Variants in RAPGEF6 observed in about 807,000 individuals in gnomAD.
The protein encoded by RAPGEF6 is PDZ domain containing guanine nucleotide exchange factor (GEF) 2.
Under a neutral mutation model 171.4 loss-of-function variants are expected in RAPGEF6, and 56 were observed. That is an observed-to-expected ratio of 0.33 (90% confidence interval 0.26 to 0.41). RAPGEF6 has a LOEUF of 0.41. Among genes scored for constraint, RAPGEF6 ranks in the 10% least tolerant of loss-of-function variants. The pLI is 1.00. For missense variants in RAPGEF6, 1,674 were observed against 1,921.4 expected, an observed-to-expected ratio of 0.87 and a Z score of 2.41; for synonymous variants, 692 against 650.1, an observed-to-expected ratio of 1.06 and a Z score of -0.98.
chr5:131,589,457 G>A lies in RAPGEF6; in HGVS notation c.281+2926C>T, dbSNP rs1763461366. Among the ~76,000 whole-genome samples, 7 of 152,290 alleles carry A rather than the reference G, an allele frequency of 4.6e-5. No individual in the cohort carries two copies. The South Asian group carries it at 1.5e-3, about 32-fold the overall frequency. ...TCTCCTTATTTGGGGGAGAGGGTAA[G>A]AACTCCATTTGTATAAAGGATAGTT... On this transcript the variant is annotated intron_variant, in intron 4 of 27. Transcript: ENST00000509018.
At chr5:131,581,302 A>G (rs1348049104) in intron 4 of RAPGEF6, among the ~76,000 whole-genome samples, 1 of 152,200 alleles carries the variant, frequency 6.6e-6, no homozygotes, top group South Asian at 2.1e-4. Context: ...AAAACTCACT[A>G]ATCAGGCAAC....
chr5:131,464,719 C>A (rs1041484739), intron 17 of RAPGEF6, among the ~76,000 whole-genome samples: 2 of 152,156 alleles, frequency 1.3e-5, no homozygotes, highest in African/African-American at 2.4e-5. Context: ...TGCCCCGTTA[C>A]CCCCTGTCAA....
chr5:131,581,447 T>G (rs537999200), intron 4 of RAPGEF6, among the ~76,000 whole-genome samples: 2 of 152,242 alleles, frequency 1.3e-5, no homozygotes, highest in South Asian at 4.1e-4. Context: ...TCTCAATTCC[T>G]ACGAAACTGC....
At chr5:131,512,522 A>T (rs188104815) in intron 7 of RAPGEF6, among the ~76,000 whole-genome samples, 49 of 152,188 alleles carry the variant, frequency 3.2e-4, no homozygotes, top group African/African-American at 1.2e-3. Context: ...TAAGGCTCTG[A>T]CACCTACAAC....
chr5:131,570,133 G>A (rs1317186074), intron 4 of RAPGEF6, among the ~76,000 whole-genome samples: 1 of 135,430 alleles, frequency 7.4e-6, no homozygotes, highest in Non-Finnish European at 1.6e-5. Context: ...ATCCAAAATA[G>A]ATACATTCTT....
At chr5:131,630,610 A>G (rs1052880029) in intron 1 of RAPGEF6, among the ~76,000 whole-genome samples, 4 of 152,238 alleles carry the variant, frequency 2.6e-5, no homozygotes, top group Admixed American at 6.5e-5. Flanking sequence ...AGCTGAATCT[A>G]TAAGTAGGAG....
intron 4 of RAPGEF6, among the ~76,000 whole-genome samples, chr5:131,579,990 C>T (rs1413283120): frequency 6.6e-6 from 1 of 152,244 alleles, no homozygotes; most frequent in Non-Finnish European, 1.5e-5. Flanking sequence ...GACCCAGCAC[C>T]AGGGCTGCGG....
chr5:131,548,235 A>G (rs1166211002), intron 5 of RAPGEF6, 45 bp from the exon 6 acceptor site: 2 of 1,597,094 alleles, frequency 1.3e-6, no homozygotes, highest in South Asian at 1.1e-5. Context: ...AAATTTTTCC[A>G]TATTATTGAC....
Position 131,489,652 on chromosome 5 carries a change from A to G in RAPGEF6, c.1734T>C (p.Ile578=). 2 of 1,508,750 alleles carry G rather than the reference A, an allele frequency of 1.3e-6. No homozygotes were observed. The highest frequency in any genetic ancestry group is 1.8e-6 in the Non-Finnish European group (2 of 1,098,106). The allele number at this position is 1,508,750 out of a possible 1,614,324, so 93.5% of individuals were successfully genotyped here. The change falls in exon 15 of 28, where the codon ATT becomes ATC. Residue 578 remains isoleucine, a splice_region_variant and synonymous_variant. Coordinates refer to ENST00000509018, the MANE Select transcript of RAPGEF6 (RefSeq NM_016340.6). ...CAAAGTTTTGTCCATTTACTTCCAT[A>G]ATCTTAAAAGTATTTAAAAAATACA... The part of the protein sequence containing the change: ...ADSGLKRGDQ[I]MEVNGQNFEN...
At chr5:131,613,853 T>C (rs1765096024) in intron 1 of RAPGEF6, among the ~76,000 whole-genome samples, 1 of 151,934 alleles carries the variant, frequency 6.6e-6, no homozygotes, top group African/African-American at 2.4e-5. Flanking sequence ...ATTATTCAAG[T>C]GTTACCAATT....
chr5:131,553,242 C>T (rs1354907105), intron 5 of RAPGEF6, among the ~76,000 whole-genome samples: 1 of 152,108 alleles, frequency 6.6e-6, no homozygotes, highest in African/African-American at 2.4e-5. Flanking sequence ...AACTCAAGGA[C>T]AAAGTAACAC....
At chr5:131,468,018 G>A (rs1754480789) in intron 17 of RAPGEF6, among the ~76,000 whole-genome samples, 1 of 151,562 alleles carries the variant, frequency 6.6e-6, no homozygotes, top group African/African-American at 2.4e-5. Context: ...GTGACAGAGT[G>A]AGGCTCTGTC....
At chr5:131,562,092 A>C in intron 4 of RAPGEF6, 45 bp from the exon 5 acceptor site, 2 of 1,273,686 alleles carry the variant, frequency 1.6e-6, no homozygotes, top group Non-Finnish European at 2.2e-6. Context: ...GTTATTAATA[A>C]AATATATCAA....
rs763920317 is a variant in RAPGEF6, at chr5:131,492,818, T to C, written c.1528-33A>G. 5 of 1,562,442 alleles carry C rather than the reference T, an allele frequency of 3.2e-6. No homozygotes were observed. The East Asian group carries it at 1.1e-4, about 35-fold the overall frequency. The stretch of plus-strand genomic sequence containing the variant: ...GCAGAAAAGGATAAATGTATATAAA[T>C]GTATCTATTCCTATAGGTTTTTAAA... On this transcript the variant is annotated intron_variant, in intron 13 of 27. Coordinates refer to ENST00000509018, the MANE Select transcript of RAPGEF6 (RefSeq NM_016340.6).
intron 6 of RAPGEF6, among the ~76,000 whole-genome samples, chr5:131,546,003 T>C (rs1262561365): frequency 1.3e-5 from 2 of 152,136 alleles, no homozygotes; most frequent in Admixed American, 6.5e-5. Flanking sequence ...AATCAGTATA[T>C]CTAGAAGATG....
chr5:131,609,117 C>T (rs957184209), intron 1 of RAPGEF6, among the ~76,000 whole-genome samples: 1 of 152,116 alleles, frequency 6.6e-6, no homozygotes, highest in Admixed American at 6.5e-5. Context: ...CACTTGCTCC[C>T]CTTTCACTTT....
At chr5:131,570,567 C>T (rs1312635423) in intron 4 of RAPGEF6, among the ~76,000 whole-genome samples, 1 of 151,988 alleles carries the variant, frequency 6.6e-6, no homozygotes, top group Admixed American at 6.5e-5. Flanking sequence ...TTTTTAAAAT[C>T]TTCTGAATGG....
At chr5:131,604,488 C>T in intron 2 of RAPGEF6, 135 bp downstream of exon 2, 1 of 934,168 alleles carries the variant, frequency 1.1e-6, no homozygotes, top group Non-Finnish European at 1.5e-6. Context: ...CTCCAGGAAA[C>T]CAGGGATCTA....
chr5:131,617,358 T>C (rs1357263186), intron 1 of RAPGEF6, among the ~76,000 whole-genome samples: 1 of 152,240 alleles, frequency 6.6e-6, no homozygotes, highest in Non-Finnish European at 1.5e-5. Flanking sequence ...AAATTATGCC[T>C]ATTTCAGCTC....
Sources: gnomAD v4.1 joint callset for allele counts (sites outside exome capture counted in the v4.1 genomes callset) on GRCh38, gnomAD v4.1.1 for gene constraint, MANE v1.5 for transcripts, NCBI Gene and HGNC (gene_info 2026-07-23, HGNC 2026-07-21) for gene names.